Variants in DAAM2 observed in about 807,000 individuals in gnomAD.
DAAM2 encodes the protein dishevelled associated activator of morphogenesis 2.
DAAM2 carries 39 observed loss-of-function variants against 120.7 expected under a neutral mutation model. The observed-to-expected ratio is 0.32, with a 90% CI of 0.25 to 0.42. The LOEUF (loss-of-function observed/expected upper bound fraction) is 0.42, where lower values mean the gene tolerates loss of function less well. Among genes scored for constraint, DAAM2 ranks in the 10% least tolerant of loss-of-function variants. The probability of loss-of-function intolerance (pLI) is 1.00; values close to 1 mark genes in which losing one functional copy is unlikely to be tolerated. For synonymous variants in DAAM2, 488 were observed against 524.9 expected, an observed-to-expected ratio of 0.93 and a Z score of 0.96; for missense variants, 1,283 against 1,401.7, an observed-to-expected ratio of 0.92 and a Z score of 1.35.
At chr6:39,897,422 A>G (rs1394251102) in intron 21 of DAAM2, 140 bp downstream of exon 21, 3 of 614,016 alleles carry the variant, frequency 4.9e-6, no homozygotes, top group Non-Finnish European at 8.7e-6. Flanking sequence ...AAAAGAATTT[A>G]AACAGACACA....
rs1016080100 is a variant in DAAM2 at position 39,885,811 on chromosome 6, C to A, written c.1954-1675C>A. 33 of 152,300 alleles carry A rather than the reference C, an allele frequency of 2.2e-4. 1 individual carries two copies. The highest frequency in any genetic ancestry group is 7.0e-4 in the African/African-American group (29 of 41,454). The allele number at this position is 152,300 out of a possible 1,614,324, so 9.4% of individuals were successfully genotyped here. A position where few individuals can be genotyped will look rare whatever the true frequency, so the allele number is the denominator to read the frequency against. The stretch of plus-strand genomic sequence containing the variant: ...GGGAGGTCCTGGGAGTCATGGTCTT[C>A]TCTGTGCCCCATGCGAGTTTTGAGT... On this transcript the variant is annotated intron_variant, in intron 15 of 24. Transcript: ENST00000274867.
intron 1 of DAAM2, chr6:39,820,820 C>G (rs1177605928): frequency 6.6e-6 from 1 of 152,212 alleles, no homozygotes. Flanking sequence ...TACCTACCTC[C>G]TAAAGTTCCT....
chr6:39,858,030 G>A (rs1764074844), intron 2 of DAAM2, among the ~76,000 whole-genome samples: 2 of 150,974 alleles, frequency 1.3e-5, no homozygotes, highest in Admixed American at 1.3e-4. Context: ...GCCTCTGTGA[G>A]CAGTGACATT....
chr6:39,891,535 G>A lies in DAAM2; in HGVS notation c.2252+88G>A, dbSNP rs896325774. 3 of 1,508,804 alleles carry A rather than the reference G, an allele frequency of 2.0e-6. No homozygotes were observed. In the Admixed American group the frequency reaches 5.8e-5, roughly 29 times the overall value. The allele number at this position is 1,508,804 out of a possible 1,614,324, so 93.5% of individuals were successfully genotyped here. ...GCTCTGCCAAGAGGAAGGGGATGGA[G>A]GTGGGCAGGCTTGAGAGGAGACTGG... On this transcript the variant is annotated intron_variant, in intron 18 of 24. Transcript: ENST00000274867.
At chr6:39,826,707 T>C (rs961660479) in intron 1 of DAAM2, among the ~76,000 whole-genome samples, 6 of 152,098 alleles carry the variant, frequency 3.9e-5, no homozygotes, top group Admixed American at 6.6e-5. Flanking sequence ...AAAATGTACA[T>C]AAAAAATCAG....
intron 14 of DAAM2, among the ~76,000 whole-genome samples, chr6:39,880,945 C>T (rs928968204): frequency 1.3e-5 from 2 of 152,160 alleles, no homozygotes; most frequent in Non-Finnish European, 1.5e-5. Context: ...CTCTGCAGAA[C>T]GTGCAGAAAG....
chr6:39,902,404 G>C lies in DAAM2; in HGVS notation c.*367G>C, dbSNP rs761630980. ...CTAGACTGGAGAGGTCCACAGCCTTGTCCAGAGTTCCTGTGTAGCACGGGG... is the reference window on the plus strand; with the variant it reads ...CTAGACTGGAGAGGTCCACAGCCTTCTCCAGAGTTCCTGTGTAGCACGGGG... On this transcript the variant is annotated 3_prime_UTR_variant, in exon 25 of 25. Transcript: ENST00000274867. The C allele has an allele frequency of 5.1e-5, 9 of 177,172 alleles. No homozygotes were observed. Among genetic ancestry groups the C allele is most frequent in the Non-Finnish European group, 9.4e-5 (8 of 85,232 alleles). The allele number at this position is 177,172 out of a possible 1,614,324, so 11.0% of individuals were successfully genotyped here.
At chr6:39,887,248 A>C in intron 15 of DAAM2, 1 of 449,570 alleles carries the variant, frequency 2.2e-6, no homozygotes, top group Non-Finnish European at 4.0e-6. Flanking sequence ...AATAAAAAAA[A>C]TAGGAAGGGG....
chr6:39,899,132 C>A, intron 22 of DAAM2, 195 bp downstream of exon 22: 2 of 578,794 alleles, frequency 3.5e-6, no homozygotes, highest in Non-Finnish European at 6.1e-6. Context: ...TAAGACTATA[C>A]CCATGTTACT....
intron 19 of DAAM2, 59 bp from the exon 20 acceptor site, chr6:39,896,741 TCCTGGGGTGCAA>T: frequency 7.3e-7 from 1 of 1,375,718 alleles, no homozygotes; most frequent in Non-Finnish European, 9.6e-7. Flanking sequence ...GGTGGCATCT[TCCTGGGGTGCAA>T]TGAGAACTGC....
Position 39,901,994 on chromosome 6 carries a change from T to C in DAAM2, c.3164T>C (p.Leu1055Pro). 1 of 1,611,598 alleles carries C rather than the reference T, an allele frequency of 6.2e-7. No individual in the cohort carries two copies. The change falls in exon 25 of 25, where the codon CTG (leucine) becomes CCG (proline). Residue 1055 changes from leucine (L) to proline (P), a missense_variant. Around this residue, in one of 3 missense-constraint regions of DAAM2, gnomAD observed 748 missense variants for 768.6 expected, o/e 0.97. Transcript: ENST00000274867. The surrounding 1 kb of genome is among the most constrained non-coding windows in gnomAD (Gnocchi z 4.5). ...CGCAAGCGATCAGGGAGCCAGGCCC[T>C]GGAAGTTACCCGGGAGCGGGCAATA... is the stretch of plus-strand genomic sequence containing the variant. ...RSRKRSGSQA[L>P]EVTRERAINR...
intron 15 of DAAM2, 186 bp from the exon 16 acceptor site, chr6:39,887,300 A>G (rs1765433563): frequency 9.3e-6 from 5 of 539,882 alleles, no homozygotes; most frequent in Non-Finnish European, 1.7e-5. Flanking sequence ...AGCCTATGGA[A>G]AAGTCCCAGA....
At chr6:39,816,379 A>T (rs144968043) in intron 1 of DAAM2, among the ~76,000 whole-genome samples, 1 of 152,194 alleles carries the variant, frequency 6.6e-6, no homozygotes, top group Non-Finnish European at 1.5e-5. Context: ...ACAGGTTCTC[A>T]ATCTTGATAC....
At chr6:39,811,685 G>A (rs1213361602) in intron 1 of DAAM2, among the ~76,000 whole-genome samples, 2 of 152,038 alleles carry the variant, frequency 1.3e-5, no homozygotes, top group African/African-American at 2.4e-5. Flanking sequence ...TTATGTCTGG[G>A]TTTGGCCTTC....
At chr6:39,861,319 G>C (rs1424680474) in intron 3 of DAAM2, 1 of 425,848 alleles carries the variant, frequency 2.3e-6, no homozygotes, top group Non-Finnish European at 4.4e-6. Context: ...CCTGCTCCCA[G>C]GCATGGAGGG....
At chr6:39,896,715 C>G in intron 19 of DAAM2, 97 bp from the exon 20 acceptor site, 1 of 1,127,194 alleles carries the variant, frequency 8.9e-7, no homozygotes, top group Non-Finnish European at 1.2e-6. Flanking sequence ...TTGACAGCCC[C>G]TTTTCTGAAC....
chr6:39,836,932 A>G lies in DAAM2; in HGVS notation c.-56-19315A>G, dbSNP rs1763124147. On this transcript the variant is annotated intron_variant, in intron 1 of 24. Coordinates refer to ENST00000274867, the MANE Select transcript of DAAM2 (RefSeq NM_001201427.2). ...GCACTGCCCTGGTTTCTGGTTTCCA[A>G]GAGAAGATCTTCTGTGAGTGGCTGT... Among the ~76,000 whole-genome samples the G allele has an allele frequency of 2.0e-5, 3 of 152,208 alleles. No individual in the cohort carries two copies. In the South Asian group the frequency reaches 6.2e-4, roughly 31 times the overall value.
intron 1 of DAAM2, chr6:39,818,684 A>G (rs1337015139): frequency 6.6e-6 from 1 of 152,212 alleles, no homozygotes; most frequent in East Asian, 1.9e-4. Flanking sequence ...TGTTGCATTT[A>G]AAGCCCATTT....
In DAAM2 at chr6:39,841,859, C is replaced by T. The variant is rs143137523; in HGVS notation, c.-56-14388C>T. On this transcript the variant is annotated intron_variant, in intron 1 of 24. Coordinates refer to ENST00000274867, the MANE Select transcript of DAAM2 (RefSeq NM_001201427.2). ...AGTCCTGGAGCCAGAGTCTCGTTTC[C>T]GTCAGAGAAAGCATCCCTCAAAGCA... Among the ~76,000 whole-genome samples the T allele has an allele frequency of 8.5e-4, 129 of 152,220 alleles. 2 individuals are homozygous for T. The highest frequency in any genetic ancestry group is 1.4e-3 in the Non-Finnish European group (98 of 68,026).
Sources: gnomAD v4.1 joint callset for allele counts (sites outside exome capture counted in the v4.1 genomes callset) on GRCh38, gnomAD v4.1.1 for gene constraint, gnomAD v4.1.1 regional missense constraint, Gnocchi (gnomAD v3.1) non-coding constraint, MANE v1.5 for transcripts, NCBI Gene and HGNC (gene_info 2026-07-23, HGNC 2026-07-21) for gene names.